NAALADL2: variants seen among roughly 807,000 people sequenced by gnomAD.
NAALADL2 encodes the protein inactive N-acetylated-alpha-linked acidic dipeptidase-like protein 2.
NAALADL2 carries 76 observed loss-of-function variants against 87.2 expected under a neutral mutation model. The observed-to-expected ratio is 0.87, with a 90% CI of 0.72 to 1.05. The LOEUF (loss-of-function observed/expected upper bound fraction) is 1.05. Ranked by LOEUF, NAALADL2 falls within the 50% of genes least tolerant of loss-of-function variation. The probability of loss-of-function intolerance (pLI) is 0.00; values close to 1 mark genes in which losing one functional copy is unlikely to be tolerated. For missense variants in NAALADL2, 1,089 were observed against 945.8 expected, an observed-to-expected ratio of 1.15 and a Z score of -1.99; for synonymous variants, 354 against 331.0, an observed-to-expected ratio of 1.07 and a Z score of -0.75.
intron 12 of NAALADL2, among the ~76,000 whole-genome samples, chr3:175,741,505 C>A (rs981416957): frequency 6.6e-6 from 1 of 151,866 alleles, no homozygotes; most frequent in South Asian, 2.1e-4. Context: ...TGAAGGGAGG[C>A]AGAACACACA....
chr3:174,948,215 C>T (rs1257451268), intron 1 of NAALADL2, among the ~76,000 whole-genome samples: 2 of 150,702 alleles, frequency 1.3e-5, no homozygotes, highest in Admixed American at 6.6e-5. Flanking sequence ...CTTGCTCTGT[C>T]GCCCAGACTG....
rs150557442 is a variant in NAALADL2, at chr3:174,739,800, C to T, written c.-9+2054C>T. ...ATTTCAGTATTAATGTCAAACTGAT[C>T]AGAAGTGGTTACATCTATTTCTTGA... On this transcript the variant is annotated intron_variant, in intron 3 of 3. Coordinates refer to the NAALADL2 transcript ENST00000434257. Among the ~76,000 whole-genome samples the T allele has an allele frequency of 8.3e-4, 126 of 152,134 alleles. 1 individual carries two copies. The highest frequency in any genetic ancestry group is 1.6e-3 in the Admixed American group (24 of 15,278).
intron 3 of NAALADL2, among the ~76,000 whole-genome samples, chr3:174,830,534 A>G (rs1722555020): frequency 1.3e-5 from 2 of 151,034 alleles, no homozygotes; most frequent in Non-Finnish European, 3.0e-5. Context: ...TATAGTTTGA[A>G]GTCAGGTAGT....
chr3:174,887,991 G>C (rs988160438), intron 1 of NAALADL2, among the ~76,000 whole-genome samples: 1 of 152,164 alleles, frequency 6.6e-6, no homozygotes, highest in African/African-American at 2.4e-5. Flanking sequence ...TCATGGGATA[G>C]AGAGGGAGTG....
intron 1 of NAALADL2, among the ~76,000 whole-genome samples, chr3:174,530,824 G>A (rs1162218187): frequency 6.6e-6 from 1 of 152,192 alleles, no homozygotes; most frequent in African/African-American, 2.4e-5. Context: ...CTATATCACT[G>A]GGTGACAAAG....
At position 174,785,289 on chromosome 3, in the gene NAALADL2, AG is replaced by A. The variant is rs1716508039; in HGVS notation, c.-9+47544del. ...AATAATTGTGGTTTTTGCCATTAAA[AG>A]TAATGGCAAAATAGCTAATAGCTCC... On this transcript the variant is annotated intron_variant, in intron 3 of 3. Transcript: ENST00000434257. Among the ~76,000 whole-genome samples, 3 of 152,196 alleles carry A rather than the reference AG, an allele frequency of 2.0e-5. No individual in the cohort carries two copies. In the South Asian group the frequency reaches 6.2e-4, roughly 31 times the overall value.
intron 1 of NAALADL2, among the ~76,000 whole-genome samples, chr3:174,518,313 T>C (rs1720056100): frequency 6.6e-6 from 1 of 152,212 alleles, no homozygotes; most frequent in South Asian, 2.1e-4. Flanking sequence ...CATTTAACGA[T>C]TTGTCTTTAA....
intron 1 of NAALADL2, among the ~76,000 whole-genome samples, chr3:174,925,551 C>T (rs1227063296): frequency 1.3e-4 from 20 of 152,084 alleles, no homozygotes; most frequent in South Asian, 1.2e-3. Flanking sequence ...TTTGGCTATG[C>T]GGGCTCTTTT....
At chr3:174,488,038 G>A (rs1310733421) in intron 1 of NAALADL2, among the ~76,000 whole-genome samples, 2 of 151,968 alleles carry the variant, frequency 1.3e-5, no homozygotes, top group Non-Finnish European at 2.9e-5. Context: ...AAATGAGATG[G>A]ATGTCAGGTA....
intron 11 of NAALADL2, among the ~76,000 whole-genome samples, chr3:175,686,605 T>C (rs1287163936): frequency 6.6e-6 from 1 of 152,152 alleles, no homozygotes; most frequent in Non-Finnish European, 1.5e-5. Context: ...GCAATTACAT[T>C]ATTAGCTTTA....
chr3:175,104,713 A>G (rs142092425), intron 2 of NAALADL2, among the ~76,000 whole-genome samples: 1 of 152,272 alleles, frequency 6.6e-6, no homozygotes, highest in Admixed American at 6.5e-5. Context: ...AGTGTATGCA[A>G]ACGATAACAG....
chr3:174,487,226 C>G (rs1279616331), intron 1 of NAALADL2, among the ~76,000 whole-genome samples: 1 of 151,986 alleles, frequency 6.6e-6, no homozygotes. Flanking sequence ...TCATTCTTTT[C>G]CATAGTTTGT....
At chr3:174,676,049 A>G (rs1727006444) in intron 2 of NAALADL2, among the ~76,000 whole-genome samples, 2 of 152,032 alleles carry the variant, frequency 1.3e-5, no homozygotes, top group African/African-American at 4.8e-5. Flanking sequence ...TGAACTAGAA[A>G]ATTGTCATCT....
At chr3:175,211,486 A>G (rs2169318) in intron 2 of NAALADL2, among the ~76,000 whole-genome samples, 88,034 of 151,750 alleles carry the variant, frequency 0.58, 26,016 homozygotes, top group African/African-American at 0.66. Context: ...TTTTAGAAAC[A>G]TGCCTCTATT....
At chr3:175,031,906 A>G (rs977442660) in intron 1 of NAALADL2, among the ~76,000 whole-genome samples, 2 of 152,032 alleles carry the variant, frequency 1.3e-5, no homozygotes, top group Admixed American at 1.3e-4. Flanking sequence ...GCCTGCTTCT[A>G]TGTCTTCTTT....
At chr3:175,550,992 G>C (rs1450532566) in intron 9 of NAALADL2, among the ~76,000 whole-genome samples, 1 of 152,142 alleles carries the variant, frequency 6.6e-6, no homozygotes. Context: ...TGGTAGAGTT[G>C]GGCATAATTA....
chr3:174,515,688 G>GAA (rs542590012), intron 1 of NAALADL2, among the ~76,000 whole-genome samples: 51 of 135,010 alleles, frequency 3.8e-4, no homozygotes, highest in Admixed American at 2.0e-3. Context: ...CTGACAATTG[G>GAA]AAAAAAAAAA....
chr3:175,771,632 C>A (rs545278393), intron 13 of NAALADL2, among the ~76,000 whole-genome samples: 1 of 152,194 alleles, frequency 6.6e-6, no homozygotes, highest in Non-Finnish European at 1.5e-5. Flanking sequence ...CTTCACATGG[C>A]CTTCTCGTCT....
At chr3:175,026,164 C>T (rs917510898) in intron 1 of NAALADL2, among the ~76,000 whole-genome samples, 5 of 151,990 alleles carry the variant, frequency 3.3e-5, no homozygotes, top group Non-Finnish European at 7.4e-5. Flanking sequence ...GAAAATCCTT[C>T]TGTACTAAAG....
Sources: gnomAD v4.1 joint callset for allele counts (sites outside exome capture counted in the v4.1 genomes callset) on GRCh38, gnomAD v4.1.1 for gene constraint, MANE v1.5 for transcripts, NCBI Gene and HGNC (gene_info 2026-07-23, HGNC 2026-07-21) for gene names.